The following CTNNA2 variants were observed in gnomAD, a reference collection of about 807,000 sequenced individuals.
CTNNA2 encodes catenin alpha-2.
Under a neutral mutation model 101.0 loss-of-function variants are expected in CTNNA2, and 42 were observed. That is an observed-to-expected ratio of 0.42 (90% confidence interval 0.32 to 0.54). The LOEUF (loss-of-function observed/expected upper bound fraction) is 0.54, where lower values mean the gene tolerates loss of function less well. Among genes scored for constraint, CTNNA2 ranks in the 20% least tolerant of loss-of-function variants. The pLI, the probability that CTNNA2 is intolerant of heterozygous loss-of-function variation, is 0.14. For missense variants in CTNNA2, 871 were observed against 1,223.1 expected (o/e 0.71, Z 4.29); for synonymous variants, 450 against 456.4 (o/e 0.99, Z 0.18).
intron 7 of CTNNA2, among the ~76,000 whole-genome samples, chr2:80,097,191 T>G (rs961174402): frequency 5.3e-5 from 8 of 152,168 alleles, no homozygotes; most frequent in Non-Finnish European, 8.8e-5. Flanking sequence ...AGCTCTTTTA[T>G]GGCAGGCCTG....
chr2:79,574,943 A>T (rs750796722), intron 1 of CTNNA2, among the ~76,000 whole-genome samples: 4 of 151,964 alleles, frequency 2.6e-5, no homozygotes, highest in Non-Finnish European at 4.4e-5. Context: ...TGTAGTTCTG[A>T]TTTGCAGTTT....
chr2:80,571,138 C>A (rs184964902), intron 12 of CTNNA2, among the ~76,000 whole-genome samples: 6 of 152,300 alleles, frequency 3.9e-5, no homozygotes, highest in African/African-American at 1.4e-4. Context: ...AACACCATAA[C>A]CTTTTTCACC....
chr2:79,627,569 C>A (rs533604881), intron 1 of CTNNA2, among the ~76,000 whole-genome samples: 6 of 152,196 alleles, frequency 3.9e-5, no homozygotes, highest in Non-Finnish European at 7.3e-5. Flanking sequence ...AAATTCAATT[C>A]TGTCTTTATA....
chr2:79,302,153 G>A (rs1326817787), intron 2 of CTNNA2, among the ~76,000 whole-genome samples: 4 of 152,022 alleles, frequency 2.6e-5, no homozygotes, highest in Non-Finnish European at 5.9e-5. Flanking sequence ...CCCTTGACTT[G>A]AAGAGGGAGT....
intron 7 of CTNNA2, among the ~76,000 whole-genome samples, chr2:80,198,710 T>C (rs1035661692): frequency 7.9e-5 from 12 of 152,218 alleles, no homozygotes; most frequent in African/African-American, 2.9e-4. Context: ...CCGAATTTAC[T>C]AATTTTATGA....
intron 5 of CTNNA2, among the ~76,000 whole-genome samples, chr2:79,505,630 G>A (rs1671395927): frequency 6.6e-6 from 1 of 152,164 alleles, no homozygotes; most frequent in African/African-American, 2.4e-5. Context: ...CAATGCCTGT[G>A]GAAGTCCAGT....
intron 9 of CTNNA2, among the ~76,000 whole-genome samples, chr2:80,496,191 C>T (rs557890258): frequency 1.1e-4 from 16 of 152,120 alleles, no homozygotes; most frequent in African/African-American, 2.4e-4. Flanking sequence ...TAAGACAATA[C>T]ATTTCTGTTG....
chr2:80,466,674 T>G (rs1166044012), intron 9 of CTNNA2, among the ~76,000 whole-genome samples: 1 of 152,232 alleles, frequency 6.6e-6, no homozygotes, highest in Non-Finnish European at 1.5e-5. Context: ...ATTTGATTGA[T>G]ACATGAAAAG....
intron 1 of CTNNA2, among the ~76,000 whole-genome samples, chr2:79,616,310 T>C (rs1352955905): frequency 6.6e-6 from 1 of 152,186 alleles, no homozygotes. Flanking sequence ...AAAATCATTA[T>C]GCATATTGTA....
At chr2:79,572,518 G>A (rs1157015632) in intron 1 of CTNNA2, among the ~76,000 whole-genome samples, 1 of 152,104 alleles carries the variant, frequency 6.6e-6, no homozygotes, top group Non-Finnish European at 1.5e-5. Flanking sequence ...CTGGGAGGCC[G>A]AGGCGGGCAG....
intron 3 of CTNNA2, among the ~76,000 whole-genome samples, chr2:79,319,194 GTTCTGC>G (rs1386583282): frequency 6.6e-6 from 1 of 152,204 alleles, no homozygotes; most frequent in Non-Finnish European, 1.5e-5. Context: ...TGGCAGAAGA[GTTCTGC>G]TTCATGCAGT....
intron 7 of CTNNA2, among the ~76,000 whole-genome samples, chr2:80,184,491 G>A (rs896276663): frequency 6.6e-6 from 1 of 152,274 alleles, no homozygotes; most frequent in Non-Finnish European, 1.5e-5. Context: ...ATTGAAGCAT[G>A]TTTGAATCAG....
intron 2 of CTNNA2, among the ~76,000 whole-genome samples, chr2:79,719,407 A>C (rs2104853838): frequency 6.6e-6 from 1 of 152,100 alleles, no homozygotes; most frequent in Admixed American, 6.5e-5. Flanking sequence ...ACAATGATTT[A>C]TTTTCCTTTC....
chr2:80,366,461 C>T lies in CTNNA2; in HGVS notation c.1057-26750C>T, dbSNP rs146888939. Among the ~76,000 whole-genome samples the T allele has an allele frequency of 2.4e-3, 367 of 152,208 alleles. 2 individuals are homozygous for T. The highest frequency in any genetic ancestry group is 8.0e-3 in the African/African-American group (334 of 41,538). The stretch of plus-strand genomic sequence containing the variant: ...TTGTTTGTATAAAGTAGTTCACAGA[C>T]GCATTTGCATATTTGATAACTTTTT... On this transcript the variant is annotated intron_variant, in intron 7 of 18. Coordinates refer to ENST00000402739, the MANE Select transcript of CTNNA2 (RefSeq NM_001282597.3).
intron 2 of CTNNA2, among the ~76,000 whole-genome samples, chr2:79,278,141 A>C (rs1416255236): frequency 1.3e-5 from 2 of 152,110 alleles, no homozygotes; most frequent in Admixed American, 6.6e-5. Flanking sequence ...CTCCTACTTC[A>C]CTGTATGGCC....
Position 80,542,468 on chromosome 2 carries a change from A to G in CTNNA2, c.1291-2514A>G, listed in dbSNP as rs188699652. Among the ~76,000 whole-genome samples, 54 of 152,142 alleles carry G rather than the reference A, an allele frequency of 3.5e-4. 1 individual carries two copies. The highest frequency in any genetic ancestry group is 2.5e-3 in the East Asian group (13 of 5,168). Reference sequence around the variant, plus strand: ...GCAAGAATATTTCATGGACAGTGGTATGTCACTCAGTCAAGAAACACATGA... The same window carrying G: ...GCAAGAATATTTCATGGACAGTGGTGTGTCACTCAGTCAAGAAACACATGA... On this transcript the variant is annotated intron_variant, in intron 9 of 18. Transcript: ENST00000402739.
chr2:79,555,908 A>T (rs1218328185), intron 1 of CTNNA2, among the ~76,000 whole-genome samples: 1 of 152,096 alleles, frequency 6.6e-6, no homozygotes, highest in Admixed American at 6.6e-5. Context: ...TCTCAGTGAA[A>T]TGTAAGAAAT....
chr2:79,680,378 T>G (rs965905195), intron 2 of CTNNA2, among the ~76,000 whole-genome samples: 2 of 152,122 alleles, frequency 1.3e-5, no homozygotes, highest in African/African-American at 4.8e-5. Context: ...GCTAGGGGCC[T>G]CTCAGGAGGG....
At chr2:79,662,269 C>T (rs1011918540) in intron 2 of CTNNA2, among the ~76,000 whole-genome samples, 2 of 152,058 alleles carry the variant, frequency 1.3e-5, no homozygotes, top group Non-Finnish European at 1.5e-5. Context: ...ATGCACTCTT[C>T]CTTTTATTCT....
Sources: gnomAD v4.1 joint callset for allele counts (sites outside exome capture counted in the v4.1 genomes callset) on GRCh38, gnomAD v4.1.1 for gene constraint, MANE v1.5 for transcripts, NCBI Gene and HGNC (gene_info 2026-07-23, HGNC 2026-07-21) for gene names.